Variants in MEGF8 observed in about 807,000 individuals in gnomAD.
The protein encoded by MEGF8 is multiple epidermal growth factor-like domains protein 8.
MEGF8 carries 156 observed loss-of-function variants against 302.9 expected under a neutral mutation model. That is an observed-to-expected ratio of 0.52 (90% confidence interval 0.45 to 0.59). The LOEUF (loss-of-function observed/expected upper bound fraction) is 0.59, where lower values mean the gene tolerates loss of function less well. Among genes scored for constraint, MEGF8 ranks in the 20% least tolerant of loss-of-function variants. The probability of loss-of-function intolerance (pLI) is 0.00; values close to 1 mark genes in which losing one functional copy is unlikely to be tolerated. For synonymous variants in MEGF8, 1,621 were observed against 1,660.5 expected (o/e 0.98, Z 0.58); for missense variants, 3,345 against 3,964.5 (o/e 0.84, Z 4.20).
intron 12 of MEGF8, among the ~76,000 whole-genome samples, chr19:42,345,454 C>T (rs995612946): frequency 6.6e-6 from 1 of 152,226 alleles, no homozygotes; most frequent in Admixed American, 6.5e-5. Context: ...TTCCACTCTT[C>T]CCCCCGGTCC....
chr19:42,373,706 GTTTTT>G (rs750576656), intron 41 of MEGF8, among the ~76,000 whole-genome samples: 2 of 100,988 alleles, frequency 2.0e-5, no homozygotes, highest in Non-Finnish European at 4.0e-5. Flanking sequence ...GGGCTTTTGG[GTTTTT>G]TTTTTTTTTT....
intron 3 of MEGF8, 57 bp downstream of exon 3, chr19:42,334,270 C>A: frequency 6.8e-7 from 1 of 1,460,312 alleles, no homozygotes; most frequent in Non-Finnish European, 9.2e-7. Flanking sequence ...GCGCAGCCTC[C>A]ACGCCCATCT....
At chr19:42,338,173 T>C (rs997836505) in intron 8 of MEGF8, among the ~76,000 whole-genome samples, 4 of 152,144 alleles carry the variant, frequency 2.6e-5, no homozygotes, top group African/African-American at 9.7e-5. Flanking sequence ...TTGTGTGTCA[T>C]GGGGATTTGG....
chr19:42,344,925 T>TA lies in MEGF8; in HGVS notation c.2097+93dup. 7.5e-7 allele frequency: 1 copy of TA among 1,327,206 alleles called. No homozygotes were observed. 82.2% of individuals were successfully genotyped at this position (1,327,206 alleles called of 1,614,324 possible). ...AATGCATCTTTATCACTCTTATGTT[T>TA]ACTCCAAAACTCTTTACATTCAAGG... On this transcript the variant is annotated intron_variant, in intron 12 of 41. Coordinates refer to ENST00000251268, the MANE Select transcript of MEGF8 (RefSeq NM_001271938.2). The surrounding 1 kb of genome is among the most constrained non-coding windows in gnomAD (Gnocchi z 4.5).
chr19:42,346,874 A>G (rs2039296186), intron 12 of MEGF8, among the ~76,000 whole-genome samples: 1 of 151,236 alleles, frequency 6.6e-6, no homozygotes. Flanking sequence ...AGTCCCAGCT[A>G]CTCAGGAGTC....
chr19:42,333,826 G>A, intron 2 of MEGF8, 58 bp downstream of exon 2: 1 of 1,594,852 alleles, frequency 6.3e-7, no homozygotes, highest in Non-Finnish European at 8.6e-7. Context: ...AGAAAGGAGG[G>A]ACAGAGAGTC....
In MEGF8 at chr19:42,375,835, C is replaced by T. The variant is rs2147519774; in HGVS notation, c.7598C>T (p.Pro2533Leu). The stretch of plus-strand genomic sequence containing the variant: ...CACATCCAGCCACCCCCAGCCCCAC[C>T]ACCTCCACCACCCCCTGCAGATGGT... ...TVHIQPPPAP[P>L]PPPPPADGGP... Residue 2533 changes from proline to leucine, a missense_variant, in exon 42 of 42, where the codon CCA becomes CTA. Coordinates refer to ENST00000251268, the MANE Select transcript of MEGF8 (RefSeq NM_001271938.2). The surrounding 1 kb of genome is among the most constrained non-coding windows in gnomAD (Gnocchi z 7.1). The T allele has an allele frequency of 6.2e-7, 1 of 1,610,766 alleles. No homozygotes were observed. Among genetic ancestry groups the T allele is most frequent in the Admixed American group, 1.7e-5 (1 of 59,762 alleles).
chr19:42,335,137 A>G lies in MEGF8; in HGVS notation c.661A>G (p.Arg221Gly). 2 of 1,613,894 alleles carry G rather than the reference A, an allele frequency of 1.2e-6. No individual in the cohort carries two copies. The highest frequency in any genetic ancestry group is 2.2e-5 in the East Asian group (1 of 44,888). Residue 221 changes from arginine to glycine, a missense_variant, in exon 4 of 42, where the codon AGG (arginine) becomes GGG (glycine). Transcript: ENST00000251268. ...GAGWWHNVSA[R>G]DPAFSARIGA... is the part of the protein sequence containing the mutation. ...TGGGTGGTGGCACAACGTGAGTGCC[A>G]GGGACCCTGCCTTCTCTGCCCGTAT...
In MEGF8 at chr19:42,354,729, G is replaced by T; in HGVS notation, c.4144+9G>T. The stretch of plus-strand genomic sequence containing the variant: ...TGTTCAGGCCCTGTCTGGTACGGGG[G>T]CTAGGGGAAGTGGGACCTCTTAGTC... On this transcript the variant is annotated intron_variant, in intron 23 of 41. Transcript: ENST00000251268. The surrounding 1 kb of genome is among the most constrained non-coding windows in gnomAD (Gnocchi z 4.3). The T allele has an allele frequency of 1.3e-6, 2 of 1,593,264 alleles. No homozygotes were observed. Among genetic ancestry groups the T allele is most frequent in the Non-Finnish European group, 1.7e-6 (2 of 1,171,160 alleles).
At chr19:42,346,651 T>A (rs1468311946) in intron 12 of MEGF8, among the ~76,000 whole-genome samples, 2 of 150,626 alleles carry the variant, frequency 1.3e-5, no homozygotes, top group Non-Finnish European at 3.0e-5. Flanking sequence ...CATTGCAGCC[T>A]GGGCAACAGA....
At chr19:42,346,367 C>A (rs2039288940) in intron 12 of MEGF8, among the ~76,000 whole-genome samples, 1 of 151,686 alleles carries the variant, frequency 6.6e-6, no homozygotes, top group South Asian at 2.1e-4. Context: ...CATGGTGAAA[C>A]CCTGTCTCTA....
Position 42,356,162 on chromosome 19 carries a change from G to A in MEGF8, c.4472G>A (p.Trp1491Ter). The A allele has an allele frequency of 6.4e-7, 1 of 1,561,440 alleles. No individual in the cohort carries two copies. The highest frequency in any genetic ancestry group is 1.2e-5 in the South Asian group (1 of 83,630). Residue 1491 changes from tryptophan to a stop codon, truncating the protein, a stop_gained, in exon 25 of 42, where the codon TGG (tryptophan) becomes TAG (stop). Coordinates refer to ENST00000251268, the MANE Select transcript of MEGF8 (RefSeq NM_001271938.2). LOFTEE classifies it high-confidence loss of function. This position sits in a 1 kb window ranked among gnomAD's most constrained non-coding sequence, Gnocchi z 5.2. ...ATKLDGGQLV[W>*]ETLMDSRLSA... ...AAGCTGGATGGCGGGCAGCTGGTCT[G>A]GGAGACCCTCATGGACAGCCGCCTC...
At position 42,353,146 on chromosome 19, in the gene MEGF8, G is replaced by A; in HGVS notation, c.3550+19G>A. ...TGCCAGGGTAAGCAGCCCTTGTCCT[G>A]GGCCCAGCCTGGACCCAGGGAGCCT... On this transcript the variant is annotated intron_variant, in intron 20 of 41. Coordinates refer to ENST00000251268, the MANE Select transcript of MEGF8 (RefSeq NM_001271938.2). This position sits in a 1 kb window ranked among gnomAD's most constrained non-coding sequence, Gnocchi z 6.1. 6.5e-7 allele frequency: 1 copy of A among 1,529,560 alleles called. No individual in the cohort carries two copies. Among genetic ancestry groups the A allele is most frequent in the Non-Finnish European group, 8.8e-7 (1 of 1,138,898 alleles). The allele number at this position is 1,529,560 out of a possible 1,614,324, so 94.7% of individuals were successfully genotyped here.
rs2039400262 is a variant in MEGF8, at chr19:42,353,077, T to C, written c.3500T>C (p.Phe1167Ser). 6.5e-7 allele frequency: 1 copy of C among 1,549,116 alleles called. No individual in the cohort carries two copies. The highest frequency in any genetic ancestry group is 1.2e-5 in the South Asian group (1 of 83,958). ...TGCTCCCGGGACTGTGGCTGCAGCT[T>C]CCACAGCCACTGCCGCAAGCGGGGC... Reference protein sequence around the residue: ...PRCSRDCGCSFHSHCRKRGPG... With the variant: ...PRCSRDCGCSSHSHCRKRGPG... Residue 1167 changes from phenylalanine (F) to serine (S), a missense_variant, in exon 20 of 42, where the codon TTC becomes TCC. Physicochemically the swap from Phe to Ser is radical, Grantham distance 155. Coordinates refer to ENST00000251268, the MANE Select transcript of MEGF8 (RefSeq NM_001271938.2). The surrounding 1 kb of genome is among the most constrained non-coding windows in gnomAD (Gnocchi z 6.1).
Position 42,376,304 on chromosome 19 carries a change from G to C in MEGF8, c.8067G>C (p.Met2689Ile). 6.2e-7 allele frequency: 1 copy of C among 1,613,480 alleles called. No individual in the cohort carries two copies. Among genetic ancestry groups the C allele is most frequent in the Non-Finnish European group, 8.5e-7 (1 of 1,179,792 alleles). Residue 2689 changes from methionine to isoleucine, a missense_variant, in exon 42 of 42, where the codon ATG becomes ATC. Met to Ile is a conservative substitution (Grantham distance 10, BLOSUM62 1). Coordinates refer to ENST00000251268, the MANE Select transcript of MEGF8 (RefSeq NM_001271938.2). This position sits in a 1 kb window ranked among gnomAD's most constrained non-coding sequence, Gnocchi z 8.2. ...RQEQRRHLQE[M>I]TKMASRPFAK... Reference sequence around the variant, plus strand: ...AGCAGCGCCGGCACTTGCAGGAGATGACCAAGATGGCCAGCCGCCCCTTCG... The same window carrying C: ...AGCAGCGCCGGCACTTGCAGGAGATCACCAAGATGGCCAGCCGCCCCTTCG...
intron 1 of MEGF8, among the ~76,000 whole-genome samples, chr19:42,328,804 C>T (rs888073987): frequency 1.4e-4 from 22 of 151,808 alleles, no homozygotes; most frequent in Non-Finnish European, 2.5e-4. Flanking sequence ...TGCGTGGTGG[C>T]GCACATCTGT....
intron 1 of MEGF8, among the ~76,000 whole-genome samples, chr19:42,330,543 T>C (rs1246860775): frequency 1.3e-5 from 2 of 152,172 alleles, no homozygotes; most frequent in Admixed American, 1.3e-4. Flanking sequence ...TCTGATGTCT[T>C]GGGGGCTCTG....
chr19:42,361,299 G>T (rs1047745460), intron 32 of MEGF8, among the ~76,000 whole-genome samples: 3 of 152,188 alleles, frequency 2.0e-5, no homozygotes, highest in African/African-American at 7.2e-5. Flanking sequence ...GCTGGAGGGG[G>T]TCAGCTCAGA....
rs778617366 is a variant in MEGF8, at chr19:42,354,724, C to T, written c.4144+4C>T. ...CTCACTGTTCAGGCCCTGTCTGGTA[C>T]GGGGGCTAGGGGAAGTGGGACCTCT... On this transcript the variant is annotated splice_donor_region_variant and intron_variant, in intron 23 of 41. Transcript: ENST00000251268. The surrounding 1 kb of genome is among the most constrained non-coding windows in gnomAD (Gnocchi z 4.3). 1.2e-5 allele frequency: 19 copies of T among 1,597,138 alleles called. No homozygotes were observed. Among genetic ancestry groups the T allele is most frequent in the African/African-American group, 9.4e-5 (7 of 74,720 alleles).
Sources: allele counts gnomAD v4.1 joint callset (sites outside exome capture counted in the v4.1 genomes callset), GRCh38; gene constraint gnomAD v4.1.1; non-coding constraint Gnocchi (gnomAD v3.1); transcripts MANE v1.5; gene names NCBI Gene and HGNC (gene_info 2026-07-23, HGNC 2026-07-21).